Variants in DLGAP2 observed in about 807,000 individuals in gnomAD.
DLGAP2 encodes disks large-associated protein 2.
A neutral mutation model predicts 100.3 loss-of-function variants in DLGAP2; 26 were observed. That is an observed-to-expected ratio of 0.26 (90% CI 0.19 to 0.36). The LOEUF is 0.36. DLGAP2 is among the 10% of genes least tolerant of loss of function. The pLI, the probability that DLGAP2 is intolerant of heterozygous loss-of-function variation, is 1.00. For synonymous variants in DLGAP2, 886 were observed against 630.1 expected (o/e 1.41, Z -6.08); for missense variants, 1,858 against 1,453.2 (o/e 1.28, Z -4.53).
At chr8:1,058,177 G>A (rs965485739) in intron 2 of DLGAP2, among the ~76,000 whole-genome samples, 8 of 151,910 alleles carry the variant, frequency 5.3e-5, no homozygotes, top group Non-Finnish European at 1.0e-4. Context: ...GGGCGCGGCC[G>A]GATTGACTAG....
chr8:944,190 C>T (rs965149106), intron 2 of DLGAP2, among the ~76,000 whole-genome samples: 8 of 151,304 alleles, frequency 5.3e-5, no homozygotes, highest in African/African-American at 1.5e-4. Context: ...GGCGGTAACC[C>T]GTCCCTGTGA....
Position 1,701,243 on chromosome 8 carries a change from C to A in DLGAP2, c.3005C>A (p.Pro1002His). The A allele has an allele frequency of 6.3e-7, 1 of 1,579,616 alleles. No homozygotes were observed. The highest frequency in any genetic ancestry group is 2.3e-5 in the East Asian group (1 of 42,576). The change falls in exon 15 of 15, where the codon CCC (proline) becomes CAC (histidine). Residue 1002 changes from proline to histidine, a missense_variant. By Grantham distance (77) the Pro-to-His change is moderately conservative. Coordinates refer to ENST00000637795, the MANE Select transcript of DLGAP2 (RefSeq NM_001346810.2). ...IPKKPPKGKFPITREKSLDLP... is the reference protein window; with the variant it reads ...IPKKPPKGKFHITREKSLDLP... Reference sequence around the variant, plus strand: ...AAGAAGCCTCCCAAGGGGAAGTTTCCCATCACAAGAGAAAAATCCCTGGAC... The same window carrying A: ...AAGAAGCCTCCCAAGGGGAAGTTTCACATCACAAGAGAAAAATCCCTGGAC...
At chr8:886,362 C>G (rs1266592803) in intron 1 of DLGAP2, among the ~76,000 whole-genome samples, 1 of 152,020 alleles carries the variant, frequency 6.6e-6, no homozygotes, top group Non-Finnish European at 1.5e-5. Context: ...CATTTTTCAT[C>G]TATCTCCTTA....
At chr8:1,369,167 C>T (rs1286929765) in intron 3 of DLGAP2, 1 of 152,164 alleles carries the variant, frequency 6.6e-6, no homozygotes, top group Non-Finnish European at 1.5e-5. Context: ...TTGATCAAAG[C>T]TTTCAAGGCT....
chr8:1,496,384 C>T (rs1350151606), intron 3 of DLGAP2, among the ~76,000 whole-genome samples: 1 of 152,134 alleles, frequency 6.6e-6, no homozygotes, highest in Non-Finnish European at 1.5e-5. Context: ...TGCGCTCTGC[C>T]TCTCTGGTGC....
At chr8:1,325,815 C>G (rs1801008631) in intron 3 of DLGAP2, among the ~76,000 whole-genome samples, 2 of 152,164 alleles carry the variant, frequency 1.3e-5, no homozygotes, top group African/African-American at 4.8e-5. Context: ...TCGTCAGCTC[C>G]TTTTGGATCG....
chr8:1,668,141 C>T (rs551273011), intron 8 of DLGAP2, among the ~76,000 whole-genome samples, 188 bp from the exon 9 acceptor site: 1 of 152,340 alleles, frequency 6.6e-6, no homozygotes, highest in Admixed American at 6.5e-5. Context: ...TTTTTATAAT[C>T]CTGCACTGTT....
intron 2 of DLGAP2, among the ~76,000 whole-genome samples, chr8:1,176,999 C>T (rs1797274388): frequency 6.6e-6 from 1 of 152,194 alleles, no homozygotes; most frequent in Non-Finnish European, 1.5e-5. Flanking sequence ...GCTCTGGAAA[C>T]TGGGAAAAGT....
chr8:832,088 A>C (rs1464794783), intron 1 of DLGAP2, among the ~76,000 whole-genome samples: 1 of 152,094 alleles, frequency 6.6e-6, no homozygotes, highest in Non-Finnish European at 1.5e-5. Flanking sequence ...AATTTGTTTA[A>C]GTTCCTTGTA....
At position 1,668,664 on chromosome 8, in the gene DLGAP2, T is replaced by C; in HGVS notation, c.2146T>C (p.Ser716Pro). The C allele has an allele frequency of 3.2e-6, 5 of 1,557,658 alleles. No homozygotes were observed. Among genetic ancestry groups the C allele is most frequent in the Non-Finnish European group, 4.3e-6 (5 of 1,150,082 alleles). The change falls in exon 9 of 15, where the codon TCC becomes CCC. Residue 716 changes from serine (S) to proline (P), a missense_variant. By Grantham distance (74) the Ser-to-Pro change is moderately conservative. Coordinates refer to ENST00000637795, the MANE Select transcript of DLGAP2 (RefSeq NM_001346810.2). ...GGAGCTCCTCAAGAGCCGCTGCTCCTCCATCGGGATTCAGGTAGCTGCTCT... is the reference window on the plus strand; with the variant it reads ...GGAGCTCCTCAAGAGCCGCTGCTCCCCCATCGGGATTCAGGTAGCTGCTCT... ...AEELLKSRCS[S>P]IGIQDSEFPE...
At chr8:1,052,909 A>T (rs1802763806) in intron 2 of DLGAP2, among the ~76,000 whole-genome samples, 1 of 152,214 alleles carries the variant, frequency 6.6e-6, no homozygotes, top group Non-Finnish European at 1.5e-5. Flanking sequence ...ATCTTCCCCC[A>T]AATGTCTATA....
Position 1,461,103 on chromosome 8 carries a change from G to A in DLGAP2, c.107-40263G>A, listed in dbSNP as rs1798458229. On this transcript the variant is annotated intron_variant, in intron 3 of 14. Transcript: ENST00000637795. ...GGTTGGGAGAAGGTGCTGCTGTCACGTGGGCTGGGTGCAGTCGCTGATTTC... is the reference window on the plus strand; with the variant it reads ...GGTTGGGAGAAGGTGCTGCTGTCACATGGGCTGGGTGCAGTCGCTGATTTC... 4.1e-5 allele frequency among the ~76,000 whole-genome samples: 6 copies of A among 144,932 alleles called. No homozygotes were observed. The South Asian group carries it at 9.0e-4, about 22-fold the overall frequency.
At chr8:1,444,771 CTTTTTTT>C (rs914045708) in intron 3 of DLGAP2, among the ~76,000 whole-genome samples, 2 of 79,852 alleles carry the variant, frequency 2.5e-5, no homozygotes, top group African/African-American at 5.5e-5. Flanking sequence ...CCAGGTCATT[CTTTTTTT>C]TTTTTTTTTT....
Position 868,362 on chromosome 8 carries a change from C to G in DLGAP2, c.19-39550C>G, listed in dbSNP as rs140379426. ...GTGGATGCATGTACTTACAAGGTCACCTAGCACCTGTTCCTCCAGAAGAGG... is the reference window on the plus strand; with the variant it reads ...GTGGATGCATGTACTTACAAGGTCAGCTAGCACCTGTTCCTCCAGAAGAGG... On this transcript the variant is annotated intron_variant, in intron 1 of 14. Transcript: ENST00000637795. Among the ~76,000 whole-genome samples, 162 of 152,246 alleles carry G rather than the reference C, an allele frequency of 1.1e-3. 1 individual carries two copies. Among genetic ancestry groups the G allele is most frequent in the African/African-American group, 3.7e-3 (155 of 41,544 alleles).
intron 6 of DLGAP2, among the ~76,000 whole-genome samples, chr8:1,598,160 T>G (rs1238075098): frequency 1.3e-5 from 2 of 152,230 alleles, no homozygotes; most frequent in African/African-American, 2.4e-5. Flanking sequence ...ATGTGATAGA[T>G]TATGTTTACT....
rs1243792917 is a variant in DLGAP2 at position 1,466,909 on chromosome 8, A to G, written c.107-34457A>G. Among the ~76,000 whole-genome samples, 3 of 152,280 alleles carry G rather than the reference A, an allele frequency of 2.0e-5. No individual in the cohort carries two copies. In the South Asian group the frequency reaches 6.2e-4, roughly 32 times the overall value. ...TTTTTTTCCCTTAACTACAGCCTAAACACACCTTTTAGAAATTAGTTTAAA... is the reference window on the plus strand; with the variant it reads ...TTTTTTTCCCTTAACTACAGCCTAAGCACACCTTTTAGAAATTAGTTTAAA... On this transcript the variant is annotated intron_variant, in intron 3 of 14. Coordinates refer to ENST00000637795, the MANE Select transcript of DLGAP2 (RefSeq NM_001346810.2).
intron 3 of DLGAP2, among the ~76,000 whole-genome samples, chr8:1,330,187 C>T (rs977558023): frequency 6.6e-6 from 1 of 151,690 alleles, no homozygotes; most frequent in Non-Finnish European, 1.5e-5. Context: ...GTGCTGACGC[C>T]CAGGGACTGA....
chr8:810,584 A>T (rs1193945296), intron 1 of DLGAP2, among the ~76,000 whole-genome samples: 1 of 152,224 alleles, frequency 6.6e-6, no homozygotes, highest in Non-Finnish European at 1.5e-5. Flanking sequence ...GCTGTGCTGC[A>T]ATTTTTTTAA....
chr8:961,278 A>G (rs929174520), intron 2 of DLGAP2, among the ~76,000 whole-genome samples: 7 of 152,226 alleles, frequency 4.6e-5, no homozygotes, highest in Non-Finnish European at 8.8e-5. Context: ...CCCTTCAGTC[A>G]TTCCAGAACT....
Sources: allele counts gnomAD v4.1 joint callset (sites outside exome capture counted in the v4.1 genomes callset), GRCh38; gene constraint gnomAD v4.1.1; transcripts MANE v1.5; gene names NCBI Gene and HGNC (gene_info 2026-07-23, HGNC 2026-07-21).